The following ESCO1 variants were observed in gnomAD, a reference collection of about 807,000 sequenced individuals.
The protein encoded by ESCO1 is N-acetyltransferase ESCO1.
A neutral mutation model predicts 83.5 loss-of-function variants in ESCO1; 33 were observed. That is an observed-to-expected ratio of 0.40 (90% CI 0.30 to 0.53). The LOEUF (loss-of-function observed/expected upper bound fraction) is 0.53, where lower values mean the gene tolerates loss of function less well. Among genes scored for constraint, ESCO1 ranks in the 20% least tolerant of loss-of-function variants. The pLI, the probability that ESCO1 is intolerant of heterozygous loss-of-function variation, is 0.63. For synonymous variants in ESCO1, 332 were observed against 324.3 expected, an observed-to-expected ratio of 1.02 and a Z score of -0.25; for missense variants, 855 against 968.0, an observed-to-expected ratio of 0.88 and a Z score of 1.55.
In ESCO1 at chr18:21,573,990, G is replaced by C; in HGVS notation, c.854C>G (p.Pro285Arg). ...TLPKSPQPSV[P>R]EQSDNELEQA... is the part of the protein sequence containing the mutation. ...CTCCAGCTCATTATCACTTTGTTCA[G>C]GCACTGATGGCTGTGGACTTTTTGG... The change falls in exon 4 of 12, where the codon CCT (proline) becomes CGT (arginine). Residue 285 changes from proline to arginine, a missense_variant. By Grantham distance (103) the Pro-to-Arg change is moderately radical (BLOSUM62 -2). Around this residue, in one of 2 missense-constraint regions of ESCO1, gnomAD observed 726 missense variants for 699.5 expected, o/e 1.04. Coordinates refer to ENST00000269214, the MANE Select transcript of ESCO1 (RefSeq NM_052911.3). The C allele has an allele frequency of 6.2e-7, 1 of 1,613,720 alleles. No individual in the cohort carries two copies. Among genetic ancestry groups the C allele is most frequent in the Non-Finnish European group, 8.5e-7 (1 of 1,180,008 alleles).
intron 1 of ESCO1, chr18:21,596,833 A>G (rs2038775055): frequency 6.6e-6 from 1 of 151,870 alleles, no homozygotes; most frequent in Non-Finnish European, 1.5e-5. Flanking sequence ...CAAAAAAATA[A>G]AAAAAAATTT....
At chr18:21,555,086 A>G (rs1375474090) in intron 8 of ESCO1, among the ~76,000 whole-genome samples, 1 of 152,174 alleles carries the variant, frequency 6.6e-6, no homozygotes, top group Non-Finnish European at 1.5e-5. Flanking sequence ...ACAGAGCAAG[A>G]CTTCGTCTCA....
chr18:21,573,484 T>C lies in ESCO1; in HGVS notation c.1360A>G (p.Lys454Glu), dbSNP rs767205573. 6.2e-7 allele frequency: 1 copy of C among 1,612,064 alleles called. No individual in the cohort carries two copies. The highest frequency in any genetic ancestry group is 8.5e-7 in the Non-Finnish European group (1 of 1,179,604). ...HDRNITCQQE[K>E]MKEINSEEVK... ...TCTTCAGAATTAATTTCTTTCATTT[T>C]TTCCTGCTGGCAAGTTATATTTCTA... The change falls in exon 4 of 12, where the codon AAA becomes GAA. Residue 454 changes from lysine to glutamate, a missense_variant. Lys to Glu is a moderately conservative substitution (Grantham distance 56, BLOSUM62 1). Transcript: ENST00000269214.
At chr18:21,546,647 A>G (rs1448042534) in intron 8 of ESCO1, among the ~76,000 whole-genome samples, 6 of 152,136 alleles carry the variant, frequency 3.9e-5, no homozygotes, top group African/African-American at 1.4e-4. Flanking sequence ...CCTAGGCTCA[A>G]GCAACTCTCC....
chr18:21,545,052 A>G (rs1296194381), intron 8 of ESCO1, among the ~76,000 whole-genome samples: 1 of 152,172 alleles, frequency 6.6e-6, no homozygotes, highest in Non-Finnish European at 1.5e-5. Flanking sequence ...GGGTGTGTTC[A>G]CTTTGTGAAA....
chr18:21,586,274 A>G (rs1022271852), intron 1 of ESCO1, among the ~76,000 whole-genome samples: 1 of 152,242 alleles, frequency 6.6e-6, no homozygotes, highest in Non-Finnish European at 1.5e-5. Flanking sequence ...AAGAACGAGA[A>G]TATGCAGTAA....
intron 2 of ESCO1, among the ~76,000 whole-genome samples, chr18:21,580,239 A>C (rs1409537193): frequency 1.3e-5 from 2 of 152,024 alleles, no homozygotes; most frequent in Non-Finnish European, 2.9e-5. Context: ...TTCTGCTGGC[A>C]ATGAGGAAAA....
At chr18:21,566,279 T>C (rs1398846993) in intron 5 of ESCO1, 73 bp from the exon 6 acceptor site, 7 of 1,390,720 alleles carry the variant, frequency 5.0e-6, no homozygotes, top group African/African-American at 1.5e-5. Flanking sequence ...ATAAAATCAT[T>C]ATACATAAAG....
intron 11 of ESCO1, among the ~76,000 whole-genome samples, chr18:21,531,997 AAAAAC>A (rs1233610753): frequency 6.6e-6 from 1 of 152,130 alleles, no homozygotes; most frequent in Admixed American, 6.6e-5. Context: ...TTATAGGACA[AAAAAC>A]AAAACAATTT....
At chr18:21,537,063 A>G (rs540449821) in intron 9 of ESCO1, among the ~76,000 whole-genome samples, 7 of 152,344 alleles carry the variant, frequency 4.6e-5, no homozygotes, top group African/African-American at 1.7e-4. Context: ...CCCATGTCAG[A>G]TATTAGACAT....
Position 21,574,337 on chromosome 18 carries a change from TTTA to T in ESCO1, c.504_506del (p.Asn168del), listed in dbSNP as rs778725207. Reference sequence around the variant, plus strand: ...TTCTCTTCACATGTTTTTGACTTGTTTTATTAGATTTACTCTGAGTACTGCTAC... The same window carrying T: ...TTCTCTTCACATGTTTTTGACTTGTTTTAGATTTACTCTGAGTACTGCTAC... On this transcript the variant is annotated inframe_deletion, in exon 4 of 12. Transcript: ENST00000269214. The T allele has an allele frequency of 3.7e-6, 6 of 1,613,842 alleles. No homozygotes were observed. In the East Asian group the frequency reaches 1.3e-4, roughly 36 times the overall value.
rs750656021 is a variant in ESCO1 at position 21,566,237 on chromosome 18, A to G, written c.1646-31T>C. On this transcript the variant is annotated intron_variant, in intron 5 of 11. Transcript: ENST00000269214. ...ATTTAATCAAGAAGGTGGGTTATATATTGAGTTTTATACTAGTTTTCCATC... is the reference window on the plus strand; with the variant it reads ...ATTTAATCAAGAAGGTGGGTTATATGTTGAGTTTTATACTAGTTTTCCATC... 1.9e-5 allele frequency: 30 copies of G among 1,589,126 alleles called. 1 individual carries two copies. Among genetic ancestry groups the G allele is most frequent in the African/African-American group, 2.7e-5 (2 of 72,954 alleles).
chr18:21,568,317 C>G (rs2038290657), intron 4 of ESCO1, among the ~76,000 whole-genome samples: 1 of 152,108 alleles, frequency 6.6e-6, no homozygotes, highest in African/African-American at 2.4e-5. Flanking sequence ...TACAGCAGTG[C>G]ATGCCTGTTG....
chr18:21,531,893 CAAAAAA>C (rs10646843), intron 11 of ESCO1, among the ~76,000 whole-genome samples: 2 of 82,070 alleles, frequency 2.4e-5, no homozygotes, highest in Non-Finnish European at 4.4e-5. Context: ...GACTCCATCT[CAAAAAA>C]AAAAAAAAAA....
rs756945835 is a variant in ESCO1, at chr18:21,573,368, A to C, written c.1476T>G (p.Ser492=). 12 of 1,598,504 alleles carry C rather than the reference A, an allele frequency of 7.5e-6. No homozygotes were observed. The African/African-American group carries it at 1.5e-4, about 20-fold the overall frequency. Residue 492 remains serine, a synonymous_variant, in exon 4 of 12, where the codon TCT becomes TCG. Coordinates refer to ENST00000269214, the MANE Select transcript of ESCO1 (RefSeq NM_052911.3). ...TCATCTGATTATCCAATGGTGGGTCAGAAGGTTTTATCTCATTGGCCAAAT... is the reference window on the plus strand; with the variant it reads ...TCATCTGATTATCCAATGGTGGGTCCGAAGGTTTTATCTCATTGGCCAAAT... ...NCHLANEIKP[S]DPPLDNQMKH...
At chr18:21,588,890 C>CAAAT (rs774890804) in intron 1 of ESCO1, among the ~76,000 whole-genome samples, 10 of 151,836 alleles carry the variant, frequency 6.6e-5, no homozygotes, top group South Asian at 2.1e-4. Context: ...GACTCTGTGT[C>CAAAT]AAATAAATAA....
intron 5 of ESCO1, among the ~76,000 whole-genome samples, chr18:21,567,357 G>A (rs1037988834): frequency 6.6e-6 from 1 of 151,866 alleles, no homozygotes; most frequent in Non-Finnish European, 1.5e-5. Flanking sequence ...AGAAACGGAG[G>A]TCTCACCACA....
At chr18:21,537,060 CA>C in intron 9 of ESCO1, among the ~76,000 whole-genome samples, 1 of 152,290 alleles carries the variant, frequency 6.6e-6, no homozygotes, top group East Asian at 1.9e-4. Flanking sequence ...TTTCCCATGT[CA>C]GATATTAGAC....
rs761080592 is a variant in ESCO1, at chr18:21,573,932, G to A, written c.912C>T (p.Leu304=). 6.2e-7 allele frequency: 1 copy of A among 1,613,872 alleles called. No individual in the cohort carries two copies. Among genetic ancestry groups the A allele is most frequent in the Non-Finnish European group, 8.5e-7 (1 of 1,180,018 alleles). The change falls in exon 4 of 12, where the codon CTC becomes CTT. Residue 304 remains leucine (L), a synonymous_variant. Coordinates refer to ENST00000269214, the MANE Select transcript of ESCO1 (RefSeq NM_052911.3). ...CACCAGCAATTTCTTCACAGAGCTG[G>A]AGAATACTACCTCGTTTGCTCTTTC... ...QAGKSKRGSI[L]QLCEEIAGEI...
Sources: gnomAD v4.1 joint callset for allele counts (sites outside exome capture counted in the v4.1 genomes callset) on GRCh38, gnomAD v4.1.1 for gene constraint, gnomAD v4.1.1 regional missense constraint, MANE v1.5 for transcripts, NCBI Gene and HGNC (gene_info 2026-07-23, HGNC 2026-07-21) for gene names.